Variants in PDE3A observed in about 807,000 individuals in gnomAD.
The protein encoded by PDE3A is phosphodiesterase 3A.
PDE3A carries 43 observed loss-of-function variants against 98.3 expected under a neutral mutation model. The ratio of observed to expected loss-of-function variants is 0.44; its 90% CI spans 0.34 to 0.56. The LOEUF is 0.56. PDE3A is among the 20% of genes least tolerant of loss of function. The pLI is 0.01. For missense variants in PDE3A, 1,427 were observed against 1,440.7 expected (o/e 0.99, Z 0.15); for synonymous variants, 663 against 567.9 (o/e 1.17, Z -2.38).
intron 1 of PDE3A, among the ~76,000 whole-genome samples, chr12:20,490,349 A>G (rs904978144): frequency 2.0e-5 from 3 of 152,222 alleles, no homozygotes; most frequent in Non-Finnish European, 4.4e-5. Flanking sequence ...GAAAGGACAC[A>G]TACATTCCAA....
intron 1 of PDE3A, among the ~76,000 whole-genome samples, chr12:20,455,998 CTTAA>C (rs913363170): frequency 8.6e-5 from 13 of 151,916 alleles, no homozygotes; most frequent in Non-Finnish European, 1.6e-4. Flanking sequence ...GGTATTTTTC[CTTAA>C]TTAAAGAAAT....
intron 2 of PDE3A, among the ~76,000 whole-genome samples, chr12:20,576,496 A>G (rs557126420): frequency 6.6e-6 from 1 of 152,272 alleles, no homozygotes; most frequent in African/African-American, 2.4e-5. Context: ...ACTAATTAAA[A>G]ACAGAGGGAT....
At chr12:20,528,333 T>C (rs542255128) in intron 1 of PDE3A, among the ~76,000 whole-genome samples, 1 of 152,370 alleles carries the variant, frequency 6.6e-6, no homozygotes, top group South Asian at 2.1e-4. Flanking sequence ...TGATCTGTGC[T>C]AGCACACTGG....
chr12:20,520,297 G>T (rs953456967), intron 1 of PDE3A, among the ~76,000 whole-genome samples: 14 of 152,140 alleles, frequency 9.2e-5, no homozygotes, highest in Admixed American at 7.9e-4. Flanking sequence ...TTAGTTTTAG[G>T]CTGGCAATGA....
At chr12:20,440,061 A>C (rs968482114) in intron 1 of PDE3A, among the ~76,000 whole-genome samples, 4 of 152,196 alleles carry the variant, frequency 2.6e-5, no homozygotes, top group Non-Finnish European at 5.9e-5. Context: ...AAAAATGATG[A>C]GAATTTAAAA....
rs568073311 is a variant in PDE3A at position 20,415,565 on chromosome 12, G to T, written c.960+45321G>T. Among the ~76,000 whole-genome samples, 5 of 152,080 alleles carry T rather than the reference G, an allele frequency of 3.3e-5. No individual in the cohort carries two copies. The East Asian group carries it at 9.7e-4, about 30-fold the overall frequency. On this transcript the variant is annotated intron_variant, in intron 1 of 15. Transcript: ENST00000359062. ...CGATTCTCCCATCTCAGCCTCCCAA[G>T]TAGCTGGGCTTATAGGCACCCGCCA...
At chr12:20,598,244 G>A (rs60768792) in intron 2 of PDE3A, among the ~76,000 whole-genome samples, 13,604 of 151,480 alleles carry the variant, frequency 0.09, 951 homozygotes, top group African/African-American at 0.2. Flanking sequence ...GTGCAATGGC[G>A]CGATCTCAGC....
At chr12:20,599,590 C>T (rs1410322104) in intron 2 of PDE3A, among the ~76,000 whole-genome samples, 1 of 152,140 alleles carries the variant, frequency 6.6e-6, no homozygotes, top group Non-Finnish European at 1.5e-5. Context: ...ATTCTTCTTT[C>T]TTACTGTTAT....
intron 2 of PDE3A, among the ~76,000 whole-genome samples, chr12:20,611,346 T>C (rs1220699871): frequency 6.6e-6 from 1 of 151,884 alleles, no homozygotes; most frequent in East Asian, 1.9e-4. Context: ...TCAGAGAACA[T>C]GGGTACTAGT....
intron 1 of PDE3A, among the ~76,000 whole-genome samples, chr12:20,432,622 T>C (rs1304244220): frequency 6.6e-6 from 1 of 152,126 alleles, no homozygotes; most frequent in Admixed American, 6.6e-5. Context: ...CTTAATAAAA[T>C]AGGTCAAAAA....
chr12:20,416,116 G>A (rs1224566938), intron 1 of PDE3A, among the ~76,000 whole-genome samples: 2 of 152,148 alleles, frequency 1.3e-5, no homozygotes, highest in African/African-American at 2.4e-5. Context: ...TGCATCCATA[G>A]CTCTGCAGTA....
At chr12:20,583,568 A>G (rs983495926) in intron 2 of PDE3A, among the ~76,000 whole-genome samples, 9 of 152,132 alleles carry the variant, frequency 5.9e-5, no homozygotes, top group Non-Finnish European at 1.0e-4. Flanking sequence ...ATCACTTACT[A>G]GATGGGAGAC....
intron 1 of PDE3A, among the ~76,000 whole-genome samples, chr12:20,390,365 G>T (rs4762752): frequency 6.6e-6 from 1 of 150,974 alleles, no homozygotes; most frequent in African/African-American, 2.4e-5. Context: ...AAATGGACAC[G>T]AGGAGGCATT....
Position 20,369,230 on chromosome 12 carries a change from G to T in PDE3A, c.-55G>T. ...GTGTGTGCGCGCGCGCGCGTGGGTC[G>T]GGGCGGGGGCGTCGGGGGGCCACTG... is the stretch of plus-strand genomic sequence containing the variant. On this transcript the variant is annotated 5_prime_UTR_variant, in exon 1 of 16. Transcript: ENST00000359062. 3.7e-6 allele frequency: 5 copies of T among 1,366,360 alleles called. No individual in the cohort carries two copies. Among genetic ancestry groups the T allele is most frequent in the Non-Finnish European group, 4.9e-6 (5 of 1,022,196 alleles). 84.6% of individuals were successfully genotyped at this position (1,366,360 alleles called of 1,614,324 possible).
rs564383160 is a variant in PDE3A at position 20,391,413 on chromosome 12, CAT to C, written c.960+21183_960+21184del. 1.0e-4 allele frequency among the ~76,000 whole-genome samples: 15 copies of C among 143,068 alleles called. 1 individual carries two copies. The highest frequency in any genetic ancestry group is 1.4e-4 in the Admixed American group (2 of 14,148). The allele number at this position is 143,068 out of a possible 152,430, so 93.9% of individuals were successfully genotyped here. On this transcript the variant is annotated intron_variant, in intron 1 of 15. Coordinates refer to ENST00000359062, the MANE Select transcript of PDE3A (RefSeq NM_000921.5). ...TACACACACACATACATGCATTATA[CAT>C]ATATATATATATACAATTCCGGACC...
chr12:20,474,285 C>T (rs754504597), intron 1 of PDE3A, among the ~76,000 whole-genome samples: 10 of 152,030 alleles, frequency 6.6e-5, no homozygotes, highest in Non-Finnish European at 1.3e-4. Context: ...GGTTTGTCTT[C>T]GTATTATTTC....
At chr12:20,374,987 G>A (rs1453995587) in intron 1 of PDE3A, among the ~76,000 whole-genome samples, 4 of 151,836 alleles carry the variant, frequency 2.6e-5, no homozygotes, top group African/African-American at 9.7e-5. Flanking sequence ...TTATGCTCCC[G>A]GAAGTGATGC....
intron 1 of PDE3A, among the ~76,000 whole-genome samples, chr12:20,434,037 G>T (rs1435391829): frequency 1.3e-5 from 2 of 152,284 alleles, no homozygotes; most frequent in Admixed American, 6.5e-5. Context: ...CTCAGACTCA[G>T]TGTTTCTGAT....
intron 1 of PDE3A, among the ~76,000 whole-genome samples, chr12:20,462,811 G>A (rs1406336977): frequency 6.7e-6 from 1 of 150,134 alleles, no homozygotes; most frequent in Non-Finnish European, 1.5e-5. Context: ...TTTTTTATGA[G>A]TCAGCATCTC....
Sources: allele counts gnomAD v4.1 joint callset (sites outside exome capture counted in the v4.1 genomes callset), GRCh38; gene constraint gnomAD v4.1.1; transcripts MANE v1.5; gene names NCBI Gene and HGNC (gene_info 2026-07-23, HGNC 2026-07-21).